CSMD1: variants seen among roughly 807,000 people sequenced by gnomAD.
CSMD1 encodes the protein CUB and Sushi multiple domains 1.
A neutral mutation model predicts 417.5 loss-of-function variants in CSMD1; 213 were observed. The observed-to-expected ratio is 0.51, with a 90% CI of 0.46 to 0.57. The LOEUF (loss-of-function observed/expected upper bound fraction) is 0.57, where lower values mean the gene tolerates loss of function less well. Among genes scored for constraint, CSMD1 ranks in the 20% least tolerant of loss-of-function variants. CSMD1 has a pLI of 0.00. For missense variants in CSMD1, 6,923 were observed against 4,529.7 expected (o/e 1.53, Z -15.17); for synonymous variants, 2,862 against 1,736.8 (o/e 1.65, Z -16.11).
intron 33 of CSMD1, among the ~76,000 whole-genome samples, chr8:3,191,165 C>T (rs1796399012): frequency 6.6e-6 from 1 of 152,176 alleles, no homozygotes; most frequent in African/African-American, 2.4e-5. Flanking sequence ...CAAATCCTAA[C>T]AAGCCCCAGC....
intron 1 of CSMD1, among the ~76,000 whole-genome samples, chr8:4,730,889 C>T (rs747838300): frequency 3.4e-5 from 5 of 146,680 alleles, no homozygotes; most frequent in Admixed American, 2.1e-4. Context: ...GAAAGGCTTT[C>T]CTGTGACTAA....
intron 5 of CSMD1, among the ~76,000 whole-genome samples, chr8:3,868,417 G>T (rs1185206358): frequency 6.6e-6 from 1 of 152,056 alleles, no homozygotes; most frequent in East Asian, 1.9e-4. Context: ...CCACACAAGG[G>T]CAGCTGGGGG....
chr8:3,139,361 T>G (rs926130380), intron 41 of CSMD1, among the ~76,000 whole-genome samples: 2 of 152,072 alleles, frequency 1.3e-5, no homozygotes, highest in African/African-American at 4.8e-5. Flanking sequence ...AAATAACAAC[T>G]TAGCCAGAGA....
intron 1 of CSMD1, among the ~76,000 whole-genome samples, chr8:4,846,699 G>T (rs539920539): frequency 6.6e-6 from 1 of 152,092 alleles, no homozygotes; most frequent in Non-Finnish European, 1.5e-5. Flanking sequence ...TCTTGAACTT[G>T]GTCCCATTTT....
At chr8:4,314,587 T>C (rs6558860) in intron 3 of CSMD1, among the ~76,000 whole-genome samples, 45,412 of 142,804 alleles carry the variant, frequency 0.32, 8,374 homozygotes, top group African/African-American at 0.55. Flanking sequence ...CTTATGCTAC[T>C]GGTTGTATTA....
intron 5 of CSMD1, among the ~76,000 whole-genome samples, chr8:3,754,499 G>C (rs1382590021): frequency 1.3e-5 from 2 of 151,990 alleles, no homozygotes; most frequent in South Asian, 2.1e-4. Flanking sequence ...GTGTCATCCA[G>C]GCTGGAGGGC....
chr8:3,284,463 G>A (rs1314270227), intron 25 of CSMD1, 117 bp from the exon 26 acceptor site: 5 of 701,322 alleles, frequency 7.1e-6, no homozygotes, highest in Admixed American at 4.5e-5. Context: ...CATGTGCCTC[G>A]GTACTTACTG....
intron 2 of CSMD1, among the ~76,000 whole-genome samples, chr8:4,437,697 G>C (rs988189884): frequency 6.6e-6 from 1 of 152,112 alleles, no homozygotes; most frequent in African/African-American, 2.4e-5. Flanking sequence ...CTTTAGCATA[G>C]AATAAGATTC....
intron 4 of CSMD1, among the ~76,000 whole-genome samples, chr8:4,026,384 C>A (rs183070399): frequency 1.3e-5 from 2 of 152,318 alleles, no homozygotes; most frequent in East Asian, 3.9e-4. Flanking sequence ...ACACTGATCT[C>A]ATTGGGATTT....
intron 7 of CSMD1, among the ~76,000 whole-genome samples, chr8:3,622,821 T>A (rs1028770551): frequency 6.6e-6 from 1 of 152,060 alleles, no homozygotes; most frequent in African/African-American, 2.4e-5. Context: ...CATTGATTCA[T>A]CTAGAAATAA....
At chr8:3,947,627 T>C (rs1456282529) in intron 5 of CSMD1, among the ~76,000 whole-genome samples, 1 of 150,402 alleles carries the variant, frequency 6.6e-6, no homozygotes, top group Non-Finnish European at 1.5e-5. Flanking sequence ...CGAGGAGCTT[T>C]CCCACATATT....
At chr8:4,485,969 C>G (rs1017144815) in intron 2 of CSMD1, among the ~76,000 whole-genome samples, 1 of 151,874 alleles carries the variant, frequency 6.6e-6, no homozygotes. Context: ...GATATTGATA[C>G]ACACTGGAAG....
At chr8:3,563,706 T>C (rs1403510585) in intron 10 of CSMD1, among the ~76,000 whole-genome samples, 1 of 152,100 alleles carries the variant, frequency 6.6e-6, no homozygotes, top group African/African-American at 2.4e-5. Flanking sequence ...CTGGCCAATG[T>C]AGTGAAACCC....
intron 3 of CSMD1, among the ~76,000 whole-genome samples, chr8:4,105,363 T>G (rs949912579): frequency 6.6e-6 from 1 of 152,194 alleles, no homozygotes; most frequent in Non-Finnish European, 1.5e-5. Context: ...TATATGTGCT[T>G]TAGACATGTA....
At chr8:4,930,839 A>T (rs4535756) in intron 1 of CSMD1, among the ~76,000 whole-genome samples, 1 of 152,040 alleles carries the variant, frequency 6.6e-6, no homozygotes, top group African/African-American at 2.4e-5. Flanking sequence ...TTGTAAATAC[A>T]GGATAGATCT....
chr8:4,281,525 C>T (rs578179289), intron 3 of CSMD1, among the ~76,000 whole-genome samples: 6 of 152,328 alleles, frequency 3.9e-5, no homozygotes, highest in South Asian at 4.1e-4. Context: ...TGCATTGAAG[C>T]TCACATTAAA....
chr8:3,978,429 C>A (rs1185033372), intron 5 of CSMD1, among the ~76,000 whole-genome samples: 3 of 152,062 alleles, frequency 2.0e-5, no homozygotes, highest in African/African-American at 7.2e-5. Flanking sequence ...TCTATTCATA[C>A]TCTTGGAACC....
rs182203123 is a variant in CSMD1 at position 2,984,919 on chromosome 8, G to T, written c.8378-6119C>A. ...TGACTACACATCACCTGGACAAGAG[G>T]TTTACATACCCAACTTAAAAAATAC... On this transcript the variant is annotated intron_variant, in intron 54 of 69. Coordinates refer to ENST00000635120, the MANE Select transcript of CSMD1 (RefSeq NM_033225.6). 5.4e-4 allele frequency among the ~76,000 whole-genome samples: 82 copies of T among 152,286 alleles called. No homozygotes were observed. In the East Asian group the frequency reaches 0.014, roughly 25 times the overall value.
rs144581628 is a variant in CSMD1, at chr8:4,609,453, G to A, written c.302+27889C>T. Among the ~76,000 whole-genome samples, 57 of 151,990 alleles carry A rather than the reference G, an allele frequency of 3.8e-4. No individual in the cohort carries two copies. The East Asian group carries it at 9.9e-3, about 26-fold the overall frequency. On this transcript the variant is annotated intron_variant, in intron 2 of 69. Coordinates refer to ENST00000635120, the MANE Select transcript of CSMD1 (RefSeq NM_033225.6). ...GATCTAAAGCCTCATTCCTAGCTGG[G>A]GTATTTTGTTATGTTAATTAATTGA...
Sources: allele counts gnomAD v4.1 joint callset (sites outside exome capture counted in the v4.1 genomes callset), GRCh38; gene constraint gnomAD v4.1.1; transcripts MANE v1.5; gene names NCBI Gene and HGNC (gene_info 2026-07-23, HGNC 2026-07-21).